The following HDAC8 variants were observed in gnomAD, a reference collection of about 807,000 sequenced individuals.
The protein encoded by HDAC8 is histone deacetylase 8, also known as histone deacetylase-like 1.
In HDAC8, 1 loss-of-function variant was observed where a neutral mutation model predicts 32.2. The ratio of observed to expected loss-of-function variants is 0.03; its 90% CI spans 0.01 to 0.15. The LOEUF (loss-of-function observed/expected upper bound fraction) is 0.15. Among genes scored for constraint, HDAC8 ranks in the 10% least tolerant of loss-of-function variants. The pLI is 1.00. For missense variants in HDAC8, 117 were observed against 300.0 expected (o/e 0.39, Z 4.51); for synonymous variants, 108 against 113.9 (o/e 0.95, Z 0.33).
intron 9 of HDAC8, among the ~76,000 whole-genome samples, chrX:72,445,481 T>C (rs1237973772): frequency 8.9e-6 from 1 of 112,188 alleles, no homozygotes; most frequent in African/African-American, 3.2e-5. Context: ...GCTAACCATA[T>C]GTAGAAAGCT....
intron 4 of HDAC8, among the ~76,000 whole-genome samples, chrX:72,528,406 G>C (rs782425201): frequency 1.8e-4 from 20 of 112,397 alleles, no homozygotes; most frequent in African/African-American, 6.1e-4. Flanking sequence ...GGAGGCAGAA[G>C]AGGTAGGAAG....
In HDAC8 at chrX:72,568,876, T is replaced by C; in HGVS notation, c.173A>G (p.Lys58Arg). ...YALHKQMRIV[K>R]PKVASMEEMA... Reference sequence around the variant, plus strand: ...CTCCTCCATGGAGGCCACTTTAGGCTTAACTATCCTAATAATAACAGAGAG... The same window carrying C: ...CTCCTCCATGGAGGCCACTTTAGGCCTAACTATCCTAATAATAACAGAGAG... The change falls in exon 3 of 11, where the codon AAG (lysine) becomes AGG (arginine). Residue 58 changes from lysine (K) to arginine (R), a missense_variant. Physicochemically the swap from Lys to Arg is conservative, Grantham distance 26. Around this residue, in one of 4 missense-constraint regions of HDAC8, gnomAD observed 37 missense variants for 53.1 expected, o/e 0.70. Coordinates refer to ENST00000373573, the MANE Select transcript of HDAC8 (RefSeq NM_018486.3). The C allele has an allele frequency of 8.3e-7, 1 of 1,208,921 alleles. No individual in the cohort carries two copies. Among genetic ancestry groups the C allele is most frequent in the Non-Finnish European group, 1.1e-6 (1 of 894,179 alleles).
chrX:72,458,613 G>T (rs1371193932), intron 9 of HDAC8, among the ~76,000 whole-genome samples: 7 of 111,684 alleles, frequency 6.3e-5, no homozygotes, highest in African/African-American at 2.3e-4. Context: ...TGAATATTGA[G>T]ACACTTACTC....
At chrX:72,559,072 G>A (rs1294698470) in intron 4 of HDAC8, among the ~76,000 whole-genome samples, 4 of 7,781 alleles carry the variant, frequency 5.1e-4, no homozygotes, top group African/African-American at 1.0e-3. Context: ...CCCTCCCCAC[G>A]GTCTCCCTCT....
Position 72,491,017 on chromosome X carries a change from A to C in HDAC8, c.551-11T>G. The C allele has an allele frequency of 8.9e-7, 1 of 1,122,703 alleles. No individual in the cohort carries two copies. The highest frequency in any genetic ancestry group is 1.2e-6 in the Non-Finnish European group (1 of 815,964). 92.5% of individuals were successfully genotyped at this position (1,122,703 alleles called of 1,213,427 possible). On this transcript the variant is annotated splice_polypyrimidine_tract_variant and intron_variant, in intron 5 of 10. Transcript: ENST00000373573. ...ATGCGTCTTCTACACCTAACAGATA[A>C]AGAAACATCAAAAGAATCACTTCAC...
intron 9 of HDAC8, among the ~76,000 whole-genome samples, chrX:72,432,853 A>C: frequency 8.9e-6 from 1 of 111,881 alleles, no homozygotes; most frequent in Non-Finnish European, 1.9e-5. Flanking sequence ...GCACATTGTT[A>C]GTATTCAATA....
chrX:72,477,865 A>G (rs1265754935), intron 7 of HDAC8, among the ~76,000 whole-genome samples: 1 of 112,310 alleles, frequency 8.9e-6, no homozygotes, highest in African/African-American at 3.2e-5. Context: ...TGAAATCCAG[A>G]TCACTTCAAT....
intron 9 of HDAC8, among the ~76,000 whole-genome samples, chrX:72,394,905 CA>C (rs78553526): frequency 3.8e-4 from 42 of 111,436 alleles, no homozygotes; most frequent in East Asian, 2.0e-3. Context: ...AAAATGGAAA[CA>C]GGGGCAAATT....
In HDAC8 at chrX:72,420,926, TTTGA is replaced by T. The variant is rs1195313727; in HGVS notation, c.1005+41074_1005+41077del. Among the ~76,000 whole-genome samples, 3 of 111,500 alleles carry T rather than the reference TTTGA, an allele frequency of 2.7e-5. No homozygotes were observed. The Admixed American group carries it at 2.9e-4, about 11-fold the overall frequency. ...AAATTCATTCTGCCAATCTCTGCCT[TTTGA>T]TTGGTCACTTTCATCTATTTACATT... On this transcript the variant is annotated intron_variant, in intron 9 of 10. Coordinates refer to ENST00000373573, the MANE Select transcript of HDAC8 (RefSeq NM_018486.3).
chrX:72,555,527 T>C (rs2051253857), intron 4 of HDAC8, among the ~76,000 whole-genome samples: 1 of 111,733 alleles, frequency 8.9e-6, no homozygotes, highest in Non-Finnish European at 1.9e-5. Context: ...AAAGGAAAAT[T>C]ATTCGGTGAA....
chrX:72,488,914 G>A lies in HDAC8; in HGVS notation c.737+19C>T. 1 of 990,993 alleles carries A rather than the reference G, an allele frequency of 1.0e-6. No homozygotes were observed. Among genetic ancestry groups the A allele is most frequent in the Non-Finnish European group, 1.4e-6 (1 of 710,597 alleles). 81.7% of individuals were successfully genotyped at this position (990,993 alleles called of 1,213,427 possible). The stretch of plus-strand genomic sequence containing the variant: ...CAGAACTGCAATCCACTTATTACTG[G>A]CTAGTGTTACTGCCATACCTTTCAC... On this transcript the variant is annotated intron_variant, in intron 7 of 10. Coordinates refer to ENST00000373573, the MANE Select transcript of HDAC8 (RefSeq NM_018486.3).
rs1279742130 is a variant in HDAC8 at position 72,444,115 on chromosome X, G to A, written c.1005+17889C>T. Among the ~76,000 whole-genome samples, 7 of 108,801 alleles carry A rather than the reference G, an allele frequency of 6.4e-5. No individual in the cohort carries two copies. The Admixed American group carries it at 6.9e-4, about 11-fold the overall frequency. 94.5% of individuals were successfully genotyped at this position (108,801 alleles called of 115,157 possible). On this transcript the variant is annotated intron_variant, in intron 9 of 10. Transcript: ENST00000373573. The stretch of plus-strand genomic sequence containing the variant: ...TGAATTCCACCAGAGGTACAAGGAG[G>A]AGCTGGTACCATTCCTTCTGAAACT...
chrX:72,504,336 T>G (rs2049318103), intron 4 of HDAC8, among the ~76,000 whole-genome samples: 1 of 112,061 alleles, frequency 8.9e-6, no homozygotes, highest in African/African-American at 3.2e-5. Context: ...TACACTCTCA[T>G]CCGCCTTCCA....
intron 4 of HDAC8, among the ~76,000 whole-genome samples, chrX:72,514,010 A>G (rs2049692870): frequency 8.9e-6 from 1 of 112,624 alleles, no homozygotes; most frequent in Non-Finnish European, 1.9e-5. Context: ...ATGTGGTAGT[A>G]TTGTTTGGTA....
intron 9 of HDAC8, among the ~76,000 whole-genome samples, chrX:72,429,009 T>A (rs898325033): frequency 1.4e-4 from 14 of 101,827 alleles, no homozygotes; most frequent in African/African-American, 5.0e-4. Flanking sequence ...TTTGATTCCT[T>A]TCTTTCTTTC....
intron 9 of HDAC8, among the ~76,000 whole-genome samples, chrX:72,440,697 A>T (rs1205513243): frequency 8.9e-6 from 1 of 112,027 alleles, no homozygotes; most frequent in African/African-American, 3.2e-5. Flanking sequence ...CAGTGGGTGA[A>T]GCACACTGTG....
chrX:72,570,467 G>A (rs1556149373), intron 2 of HDAC8, among the ~76,000 whole-genome samples: 2 of 110,042 alleles, frequency 1.8e-5, no homozygotes, highest in African/African-American at 6.6e-5. Flanking sequence ...GCTTAAAATG[G>A]GTGTGGTGAC....
In HDAC8 at chrX:72,335,928, TAACAACAACAAC is replaced by T. The variant is rs1205579004; in HGVS notation, c.1112-5864_1112-5853del. On this transcript the variant is annotated intron_variant, in intron 10 of 10. Coordinates refer to ENST00000373573, the MANE Select transcript of HDAC8 (RefSeq NM_018486.3). ...TGTCTCTAAAAAAAAAAAAAAAAAT[TAACAACAACAAC>T]AACAACAACAACAACCCAAACAAAC... 7.7e-5 allele frequency among the ~76,000 whole-genome samples: 8 copies of T among 103,505 alleles called. No individual in the cohort carries two copies. In the East Asian group the frequency reaches 2.1e-3, roughly 27 times the overall value. The allele number at this position is 103,505 out of a possible 115,157, so 89.9% of individuals were successfully genotyped here. A position where few individuals can be genotyped will look rare whatever the true frequency, so the allele number is the denominator to read the frequency against.
intron 4 of HDAC8, among the ~76,000 whole-genome samples, chrX:72,539,736 G>A (rs956128720): frequency 1.9e-4 from 21 of 111,367 alleles, no homozygotes; most frequent in Non-Finnish European, 3.8e-4. Flanking sequence ...CAAGAGCTCC[G>A]CACCCCCAAC....
Sources: allele counts gnomAD v4.1 joint callset (sites outside exome capture counted in the v4.1 genomes callset), GRCh38; gene constraint gnomAD v4.1.1; regional missense constraint gnomAD v4.1.1; transcripts MANE v1.5; gene names NCBI Gene and HGNC (gene_info 2026-07-23, HGNC 2026-07-21).